Variants in RNF220 observed in about 807,000 individuals in gnomAD.
RNF220 encodes E3 ubiquitin-protein ligase RNF220.
Under a neutral mutation model 67.1 loss-of-function variants are expected in RNF220, and 7 were observed. That is an observed-to-expected ratio of 0.10 (90% CI 0.06 to 0.20). The LOEUF (loss-of-function observed/expected upper bound fraction) is 0.20. RNF220 is among the 10% of genes least tolerant of loss of function. RNF220 has a pLI of 1.00. For synonymous variants in RNF220, 270 were observed against 283.2 expected (o/e 0.95, Z 0.47); for missense variants, 565 against 740.3 (o/e 0.76, Z 2.75).
At chr1:44,607,654 A>AT (rs952174934) in intron 2 of RNF220, among the ~76,000 whole-genome samples, 15 of 151,336 alleles carry the variant, frequency 9.9e-5, no homozygotes, top group South Asian at 4.2e-4. Flanking sequence ...CGCCCAGCTA[A>AT]TTTTTTTTGT....
intron 2 of RNF220, among the ~76,000 whole-genome samples, chr1:44,443,603 A>G (rs1292303127): frequency 6.6e-6 from 1 of 152,084 alleles, no homozygotes; most frequent in East Asian, 1.9e-4. Context: ...TTTTCTCACC[A>G]TTCTCCTCTT....
chr1:44,422,297 A>C (rs1467196244), intron 2 of RNF220, among the ~76,000 whole-genome samples: 1 of 152,182 alleles, frequency 6.6e-6, no homozygotes, highest in Non-Finnish European at 1.5e-5. Context: ...GACTGCAGTT[A>C]GGGCCTAGGC....
intron 2 of RNF220, among the ~76,000 whole-genome samples, chr1:44,440,180 C>T (rs888661352): frequency 3.3e-5 from 5 of 152,188 alleles, no homozygotes; most frequent in African/African-American, 1.2e-4. Context: ...ATTTTTATTT[C>T]ATCAGTCCCA....
intron 4 of RNF220, among the ~76,000 whole-genome samples, chr1:44,625,570 G>T (rs969554481): frequency 6.6e-6 from 1 of 152,190 alleles, no homozygotes; most frequent in Non-Finnish European, 1.5e-5. Flanking sequence ...GGAGAAGGTG[G>T]GGGGAGGAAG....
In RNF220 at chr1:44,454,716, A is replaced by G. The variant is rs561678670; in HGVS notation, c.625+41994A>G. On this transcript the variant is annotated intron_variant, in intron 2 of 14. Transcript: ENST00000361799. Reference sequence around the variant, plus strand: ...TTCATATATAGTAAAAACCCTTTACAGTGTACAGTTCTGTGAGTTTTGACA... The same window carrying G: ...TTCATATATAGTAAAAACCCTTTACGGTGTACAGTTCTGTGAGTTTTGACA... 1.6e-3 allele frequency among the ~76,000 whole-genome samples: 245 copies of G among 152,016 alleles called. 3 individuals carry two copies. Among genetic ancestry groups the G allele is most frequent in the African/African-American group, 5.5e-3 (229 of 41,482 alleles).
chr1:44,597,777 G>T (rs1161790214), intron 2 of RNF220, among the ~76,000 whole-genome samples: 1 of 151,860 alleles, frequency 6.6e-6, no homozygotes, highest in Non-Finnish European at 1.5e-5. Context: ...CACACTTCTT[G>T]GTCTTTCTCA....
chr1:44,641,471 A>G (rs779971897), intron 8 of RNF220, among the ~76,000 whole-genome samples: 1 of 152,024 alleles, frequency 6.6e-6, no homozygotes, highest in Non-Finnish European at 1.5e-5. Context: ...GGAGCCAGAG[A>G]CTTGGAAAGG....
At chr1:44,430,835 A>G (rs769171281) in intron 2 of RNF220, among the ~76,000 whole-genome samples, 35 of 152,284 alleles carry the variant, frequency 2.3e-4, no homozygotes, top group African/African-American at 4.3e-4. Flanking sequence ...GTGAGCCACC[A>G]CGCCCAGCCA....
Position 44,650,234 on chromosome 1 carries a change from AG to A in RNF220, c.1629+279del, listed in dbSNP as rs1158290881. The A allele has an allele frequency of 1.8e-6, 1 of 550,742 alleles. No homozygotes were observed. Among genetic ancestry groups the A allele is most frequent in the Non-Finnish European group, 3.2e-6 (1 of 309,018 alleles). 34.1% of individuals were successfully genotyped at this position (550,742 alleles called of 1,614,324 possible). On this transcript the variant is annotated intron_variant, in intron 14 of 14. Transcript: ENST00000361799. This position sits in a 1 kb window ranked among gnomAD's most constrained non-coding sequence, Gnocchi z 4.3. ...GCCCACTGCATCACACAGACTGGTG[AG>A]GCCTGGGGTCAGGAGGAGGCTGGCT...
intron 2 of RNF220, among the ~76,000 whole-genome samples, chr1:44,570,375 A>T (rs1664346629): frequency 6.6e-6 from 1 of 152,132 alleles, no homozygotes; most frequent in Non-Finnish European, 1.5e-5. Context: ...TTTCTTCTGA[A>T]AATTGCTTGT....
intron 2 of RNF220, among the ~76,000 whole-genome samples, chr1:44,464,893 CCGTAT>C (rs1423528296): frequency 1.3e-5 from 2 of 152,180 alleles, no homozygotes; most frequent in African/African-American, 4.8e-5. Context: ...CAGCTATTAT[CCGTAT>C]CTCATCAGCA....
chr1:44,595,989 C>T (rs1666455514), intron 2 of RNF220, among the ~76,000 whole-genome samples: 1 of 152,148 alleles, frequency 6.6e-6, no homozygotes, highest in Non-Finnish European at 1.5e-5. Context: ...TGGTCTCGAT[C>T]TCCTGACCTC....
At chr1:44,642,408 GCT>G (rs1320893275) in intron 8 of RNF220, among the ~76,000 whole-genome samples, 3 of 152,214 alleles carry the variant, frequency 2.0e-5, no homozygotes, top group African/African-American at 7.2e-5. Flanking sequence ...GAGAGCAGCT[GCT>G]CTGTGTGGGC....
intron 2 of RNF220, among the ~76,000 whole-genome samples, chr1:44,425,302 T>C (rs973753720): frequency 3.3e-5 from 5 of 152,182 alleles, no homozygotes; most frequent in Admixed American, 2.0e-4. Context: ...TGTAATTATT[T>C]GCTTAATTGT....
At chr1:44,460,038 G>A (rs1039530809) in intron 2 of RNF220, among the ~76,000 whole-genome samples, 1 of 152,050 alleles carries the variant, frequency 6.6e-6, no homozygotes, top group African/African-American at 2.4e-5. Flanking sequence ...GGGAGGGGAC[G>A]GCCAGTAAAG....
intron 2 of RNF220, among the ~76,000 whole-genome samples, chr1:44,499,285 C>T (rs563758693): frequency 2.0e-5 from 3 of 152,216 alleles, no homozygotes; most frequent in Non-Finnish European, 2.9e-5. Flanking sequence ...CTGTAGCTAC[C>T]TCTCCATTTC....
At chr1:44,486,977 GTAACACAAT>G (rs1294857830) in intron 2 of RNF220, among the ~76,000 whole-genome samples, 19 of 152,220 alleles carry the variant, frequency 1.2e-4, no homozygotes, top group Admixed American at 1.2e-3. Flanking sequence ...ATTATTATAA[GTAACACAAT>G]TAACAGCAGC....
intron 2 of RNF220, among the ~76,000 whole-genome samples, chr1:44,588,013 A>G (rs1038163780): frequency 5.9e-5 from 9 of 152,156 alleles, no homozygotes; most frequent in Admixed American, 3.3e-4. Context: ...CATTGCCTAC[A>G]GCTGACCCCG....
intron 2 of RNF220, among the ~76,000 whole-genome samples, chr1:44,602,787 C>T (rs542420431): frequency 1.2e-4 from 19 of 152,234 alleles, no homozygotes; most frequent in African/African-American, 4.3e-4. Flanking sequence ...TGAGCAGGAA[C>T]CCCTGCACCT....
Sources: allele counts gnomAD v4.1 joint callset (sites outside exome capture counted in the v4.1 genomes callset), GRCh38; gene constraint gnomAD v4.1.1; non-coding constraint Gnocchi (gnomAD v3.1); transcripts MANE v1.5; gene names NCBI Gene and HGNC (gene_info 2026-07-23, HGNC 2026-07-21).